LRRTM4: variants seen among roughly 807,000 people sequenced by gnomAD.
The protein encoded by LRRTM4 is leucine rich repeat transmembrane neuronal 4.
A neutral mutation model predicts 47.6 loss-of-function variants in LRRTM4; 25 were observed. The observed-to-expected ratio is 0.53, with a 90% CI of 0.38 to 0.73. The LOEUF (loss-of-function observed/expected upper bound fraction) is 0.73. LRRTM4 is among the 30% of genes least tolerant of loss of function. LRRTM4 has a pLI of 0.00. For missense variants in LRRTM4, 638 were observed against 713.4 expected (o/e 0.89, Z 1.20); for synonymous variants, 311 against 269.5 (o/e 1.15, Z -1.51).
At chr2:76,839,465 A>G (rs1044656210) in intron 3 of LRRTM4, among the ~76,000 whole-genome samples, 13 of 152,284 alleles carry the variant, frequency 8.5e-5, no homozygotes, top group African/African-American at 2.9e-4. Context: ...TAGTAATTTG[A>G]AAATTTACAA....
Position 77,316,784 on chromosome 2 carries a change from G to A in LRRTM4, c.1551+201534C>T, listed in dbSNP as rs372700964. ...TAGTCTCAAACTCCTGACCTCAAAC[G>A]ATCCACCTGCCTTGGCCTCTCAAAA... On this transcript the variant is annotated intron_variant, in intron 3 of 3. Coordinates refer to ENST00000409884, the MANE Select transcript of LRRTM4 (RefSeq NM_001134745.3). Among the ~76,000 whole-genome samples, 16 of 152,198 alleles carry A rather than the reference G, an allele frequency of 1.1e-4. 1 individual carries two copies. The highest frequency in any genetic ancestry group is 6.5e-4 in the Admixed American group (10 of 15,288).
chr2:77,266,665 T>C (rs1283380377), intron 3 of LRRTM4, among the ~76,000 whole-genome samples: 1 of 151,968 alleles, frequency 6.6e-6, no homozygotes, highest in Non-Finnish European at 1.5e-5. Flanking sequence ...GAAGTAATAG[T>C]GAATAGTGGG....
At chr2:77,455,107 G>A (rs1159531345) in intron 3 of LRRTM4, among the ~76,000 whole-genome samples, 1 of 152,084 alleles carries the variant, frequency 6.6e-6, no homozygotes, top group Non-Finnish European at 1.5e-5. Context: ...AGAATCTCTT[G>A]ACCCTGGGAG....
At chr2:76,773,446 A>G (rs1673802573) in intron 3 of LRRTM4, among the ~76,000 whole-genome samples, 3 of 152,224 alleles carry the variant, frequency 2.0e-5, no homozygotes, top group Non-Finnish European at 4.4e-5. Flanking sequence ...AACTCATAAC[A>G]TTTCAGTGAA....
At chr2:77,493,119 C>T (rs1249816247) in intron 3 of LRRTM4, among the ~76,000 whole-genome samples, 1 of 152,012 alleles carries the variant, frequency 6.6e-6, no homozygotes, top group Non-Finnish European at 1.5e-5. Flanking sequence ...CCGAAACATA[C>T]TCGCCAAAAT....
chr2:77,150,115 G>A (rs1672375846), intron 3 of LRRTM4, among the ~76,000 whole-genome samples: 2 of 151,900 alleles, frequency 1.3e-5, no homozygotes, highest in Non-Finnish European at 2.9e-5. Context: ...CTTAAATAAA[G>A]AAGCAGAGGT....
chr2:77,045,440 T>C (rs899690056), intron 3 of LRRTM4, among the ~76,000 whole-genome samples: 1 of 151,894 alleles, frequency 6.6e-6, no homozygotes, highest in African/African-American at 2.4e-5. Context: ...AAAACAAATA[T>C]GGAGATATTT....
At chr2:77,454,213 C>T (rs1475649904) in intron 3 of LRRTM4, among the ~76,000 whole-genome samples, 10 of 152,088 alleles carry the variant, frequency 6.6e-5, no homozygotes, top group Non-Finnish European at 4.4e-5. Flanking sequence ...AACTTTTTAA[C>T]GTAAAACCTG....
At chr2:77,071,204 T>C (rs915602062) in intron 3 of LRRTM4, among the ~76,000 whole-genome samples, 2 of 152,116 alleles carry the variant, frequency 1.3e-5, no homozygotes, top group Non-Finnish European at 2.9e-5. Context: ...ATACATAAAA[T>C]CCCACTGTCC....
At chr2:77,116,227 G>A (rs1671385202) in intron 3 of LRRTM4, among the ~76,000 whole-genome samples, 1 of 151,410 alleles carries the variant, frequency 6.6e-6, no homozygotes, top group Middle Eastern at 3.2e-3. Flanking sequence ...AACAACCAAA[G>A]GTGGTGTAAT....
rs566331689 is a variant in LRRTM4, at chr2:76,930,788, T to C, written c.1552-181872A>G. Reference sequence around the variant, plus strand: ...TCCTAATCTGTAAAATAATGATAAATGGTTATTAAAATTGCCTAGGAGGTA... The same window carrying C: ...TCCTAATCTGTAAAATAATGATAAACGGTTATTAAAATTGCCTAGGAGGTA... On this transcript the variant is annotated intron_variant, in intron 3 of 3. Coordinates refer to ENST00000409884, the MANE Select transcript of LRRTM4 (RefSeq NM_001134745.3). Among the ~76,000 whole-genome samples, 47 of 152,200 alleles carry C rather than the reference T, an allele frequency of 3.1e-4. 1 individual carries two copies. Among genetic ancestry groups the C allele is most frequent in the Admixed American group, 1.8e-3 (27 of 15,260 alleles).
At chr2:77,411,801 A>G (rs947452711) in intron 3 of LRRTM4, among the ~76,000 whole-genome samples, 25 of 151,728 alleles carry the variant, frequency 1.6e-4, no homozygotes, top group Admixed American at 1.6e-3. Context: ...CCTAGCTCTC[A>G]TCTGATCAAC....
intron 3 of LRRTM4, among the ~76,000 whole-genome samples, chr2:77,165,935 A>G (rs752120152): frequency 1.3e-5 from 2 of 152,218 alleles, no homozygotes; most frequent in Non-Finnish European, 2.9e-5. Context: ...ACTCCTAGTC[A>G]ACATAATGTT....
intron 3 of LRRTM4, among the ~76,000 whole-genome samples, chr2:77,327,981 T>C (rs1181818712): frequency 1.3e-5 from 2 of 151,906 alleles, no homozygotes; most frequent in African/African-American, 2.4e-5. Context: ...TGAAAACATA[T>C]AGGGAAAGAA....
At chr2:76,806,671 G>C (rs1207667552) in intron 3 of LRRTM4, among the ~76,000 whole-genome samples, 1 of 151,900 alleles carries the variant, frequency 6.6e-6, no homozygotes, top group Non-Finnish European at 1.5e-5. Flanking sequence ...ATATTACAAA[G>C]TAATACTGAA....
intron 3 of LRRTM4, among the ~76,000 whole-genome samples, chr2:76,750,189 C>T (rs961545256): frequency 2.0e-5 from 3 of 152,228 alleles, no homozygotes; most frequent in Non-Finnish European, 4.4e-5. Flanking sequence ...TTTATTCCCA[C>T]AGCAGCAGGT....
intron 3 of LRRTM4, among the ~76,000 whole-genome samples, chr2:77,102,126 A>C (rs1289712535): frequency 1.3e-5 from 2 of 152,092 alleles, no homozygotes; most frequent in Non-Finnish European, 2.9e-5. Context: ...TCAAATCTCC[A>C]GTTTCTTATA....
At chr2:76,908,923 G>T (rs1245148326) in intron 3 of LRRTM4, among the ~76,000 whole-genome samples, 2 of 152,164 alleles carry the variant, frequency 1.3e-5, no homozygotes, top group Non-Finnish European at 2.9e-5. Context: ...ACTGCCCAAG[G>T]TAATTGATAG....
chr2:77,404,875 G>GT (rs886287924), intron 3 of LRRTM4, among the ~76,000 whole-genome samples: 4 of 151,962 alleles, frequency 2.6e-5, no homozygotes, highest in African/African-American at 4.8e-5. Context: ...TAGAGTAAAA[G>GT]TTTTTTTAAA....
Sources: gnomAD v4.1 joint callset for allele counts (sites outside exome capture counted in the v4.1 genomes callset) on GRCh38, gnomAD v4.1.1 for gene constraint, MANE v1.5 for transcripts, NCBI Gene and HGNC (gene_info 2026-07-23, HGNC 2026-07-21) for gene names.